The following GALNT7 variants were observed in gnomAD, a reference collection of about 807,000 sequenced individuals.
GALNT7 encodes the protein N-acetylgalactosaminyltransferase 7.
In GALNT7, 60 loss-of-function variants were observed where a neutral mutation model predicts 82.1. That is an observed-to-expected ratio of 0.73 (90% CI 0.59 to 0.91). The LOEUF (loss-of-function observed/expected upper bound fraction) is 0.91, where lower values mean the gene tolerates loss of function less well. Among genes scored for constraint, GALNT7 ranks in the 40% least tolerant of loss-of-function variants. The probability of loss-of-function intolerance (pLI) is 0.00; values close to 1 mark genes in which losing one functional copy is unlikely to be tolerated. For missense variants in GALNT7, 660 were observed against 804.2 expected, an observed-to-expected ratio of 0.82 and a Z score of 2.17; for synonymous variants, 243 against 275.1, an observed-to-expected ratio of 0.88 and a Z score of 1.15.
At chr4:173,210,710 G>T (rs28601896) in intron 1 of GALNT7, among the ~76,000 whole-genome samples, 3,483 of 152,190 alleles carry the variant, frequency 0.023, 99 homozygotes, top group African/African-American at 0.068. Flanking sequence ...AGGATTGCAG[G>T]GGTGAGCCAC....
chr4:173,314,202 T>C, intron 9 of GALNT7, 26 bp downstream of exon 9: 1 of 1,407,326 alleles, frequency 7.1e-7, no homozygotes. Flanking sequence ...TCAAAATGTA[T>C]GTGTTTGTAG....
chr4:173,300,679 C>A (rs897681908), intron 6 of GALNT7, among the ~76,000 whole-genome samples: 1 of 151,556 alleles, frequency 6.6e-6, no homozygotes, highest in Admixed American at 6.6e-5. Context: ...ATCATGCAGG[C>A]GCATGTGGAG....
At position 173,318,578 on chromosome 4, in the gene GALNT7, T is replaced by C. The variant is rs753694886; in HGVS notation, c.1836+19T>C. The C allele has an allele frequency of 5.5e-6, 8 of 1,446,062 alleles. No individual in the cohort carries two copies. Among genetic ancestry groups the C allele is most frequent in the Non-Finnish European group, 7.7e-6 (8 of 1,032,472 alleles). 89.6% of individuals were successfully genotyped at this position (1,446,062 alleles called of 1,614,324 possible). A position where few individuals can be genotyped will look rare whatever the true frequency, so the allele number is the denominator to read the frequency against. On this transcript the variant is annotated intron_variant, in intron 11 of 11. Transcript: ENST00000265000. The stretch of plus-strand genomic sequence containing the variant: ...CTTCAAGGTATTCTGCATTTTAACT[T>C]CTGAAATATTATATGCTTTTCATTT...
intron 1 of GALNT7, among the ~76,000 whole-genome samples, chr4:173,244,706 GT>G (rs1451359058): frequency 2.0e-5 from 3 of 152,178 alleles, no homozygotes; most frequent in Admixed American, 2.0e-4. Context: ...TTGTTCAGAG[GT>G]GAGGGTGCCT....
At chr4:173,284,971 C>T (rs1212843937) in intron 2 of GALNT7, among the ~76,000 whole-genome samples, 2 of 152,002 alleles carry the variant, frequency 1.3e-5, no homozygotes, top group South Asian at 2.1e-4. Flanking sequence ...CGTAAGAAAA[C>T]CTTGTTGTGC....
At chr4:173,239,782 C>T (rs550945176) in intron 1 of GALNT7, among the ~76,000 whole-genome samples, 7 of 152,248 alleles carry the variant, frequency 4.6e-5, no homozygotes, top group Admixed American at 4.6e-4. Context: ...TGTTGAGAAT[C>T]GGAAGTTTTT....
At chr4:173,258,649 A>C (rs1406102396) in intron 2 of GALNT7, among the ~76,000 whole-genome samples, 1 of 152,228 alleles carries the variant, frequency 6.6e-6, no homozygotes, top group East Asian at 1.9e-4. Flanking sequence ...ATACTGAGAT[A>C]GTATATTTTC....
intron 1 of GALNT7, among the ~76,000 whole-genome samples, chr4:173,188,373 T>C (rs1164289369): frequency 2.6e-5 from 4 of 152,200 alleles, no homozygotes; most frequent in South Asian, 2.1e-4. Flanking sequence ...CAAGGTGTAT[T>C]ATCAGGCATT....
At chr4:173,300,523 A>C (rs1736883293) in intron 6 of GALNT7, among the ~76,000 whole-genome samples, 1 of 152,108 alleles carries the variant, frequency 6.6e-6, no homozygotes, top group Admixed American at 6.5e-5. Flanking sequence ...GTGGAAAAGG[A>C]GAAGGAACAT....
intron 2 of GALNT7, among the ~76,000 whole-genome samples, chr4:173,262,110 G>T (rs372038198): frequency 6.6e-6 from 1 of 152,036 alleles, no homozygotes; most frequent in East Asian, 1.9e-4. Context: ...ATGCCCCTGG[G>T]TTGTTTTAGT....
At chr4:173,191,238 C>T (rs1485010475) in intron 1 of GALNT7, among the ~76,000 whole-genome samples, 2 of 151,908 alleles carry the variant, frequency 1.3e-5, no homozygotes, top group Non-Finnish European at 2.9e-5. Flanking sequence ...GGGGGGGGTA[C>T]TTGGCTGGCT....
At chr4:173,192,947 G>T (rs1397367024) in intron 1 of GALNT7, among the ~76,000 whole-genome samples, 1 of 152,180 alleles carries the variant, frequency 6.6e-6, no homozygotes, top group Non-Finnish European at 1.5e-5. Flanking sequence ...ACGGCACAGA[G>T]TTGGTTGGTA....
intron 8 of GALNT7, among the ~76,000 whole-genome samples, chr4:173,304,349 T>G (rs1015430859): frequency 6.6e-6 from 1 of 151,866 alleles, no homozygotes; most frequent in Admixed American, 6.6e-5. Flanking sequence ...CAGTGAGCTA[T>G]GATTGCACCA....
At chr4:173,216,824 A>G (rs1455183570) in intron 1 of GALNT7, among the ~76,000 whole-genome samples, 1 of 138,860 alleles carries the variant, frequency 7.2e-6, no homozygotes, top group Admixed American at 7.9e-5. Flanking sequence ...TCTGCCTCCC[A>G]GCTTCAAGTG....
At chr4:173,174,766 G>A (rs527643638) in intron 1 of GALNT7, among the ~76,000 whole-genome samples, 4 of 152,292 alleles carry the variant, frequency 2.6e-5, no homozygotes, top group Admixed American at 2.6e-4. Context: ...ACTGTCACAA[G>A]GATATGTTTC....
At chr4:173,171,987 A>G (rs1340072313) in intron 1 of GALNT7, among the ~76,000 whole-genome samples, 1 of 152,246 alleles carries the variant, frequency 6.6e-6, no homozygotes, top group Non-Finnish European at 1.5e-5. Context: ...ACAGGTCTGA[A>G]GCAACTCGAT....
chr4:173,199,479 T>C (rs146778939), intron 1 of GALNT7, among the ~76,000 whole-genome samples: 43 of 152,296 alleles, frequency 2.8e-4, no homozygotes, highest in African/African-American at 7.7e-4. Context: ...GTTAGAGATA[T>C]TCCCGTCATA....
intron 9 of GALNT7, chr4:173,316,509 A>C (rs1310513519): frequency 6.6e-6 from 1 of 152,112 alleles, no homozygotes; most frequent in African/African-American, 2.4e-5. Flanking sequence ...TTACATTCCC[A>C]GAGTGAATGG....
At chr4:173,186,568 A>G (rs1220591077) in intron 1 of GALNT7, among the ~76,000 whole-genome samples, 2 of 152,180 alleles carry the variant, frequency 1.3e-5, no homozygotes, top group African/African-American at 4.8e-5. Flanking sequence ...TTGGATGAGC[A>G]CCATAATTTG....
Sources: allele counts gnomAD v4.1 joint callset (sites outside exome capture counted in the v4.1 genomes callset), GRCh38; gene constraint gnomAD v4.1.1; transcripts MANE v1.5; gene names NCBI Gene and HGNC (gene_info 2026-07-23, HGNC 2026-07-21).